Variants in B4GALNT3 observed in about 807,000 individuals in gnomAD.
B4GALNT3 encodes beta-1,4-N-acetylgalactosaminyltransferase 3.
In B4GALNT3, 86 loss-of-function variants were observed where a neutral mutation model predicts 120.2. The ratio of observed to expected loss-of-function variants is 0.72; its 90% CI spans 0.60 to 0.86. B4GALNT3 has a LOEUF of 0.86. Ranked by LOEUF, B4GALNT3 falls within the 40% of genes least tolerant of loss-of-function variation. B4GALNT3 has a pLI of 0.00. For synonymous variants in B4GALNT3, 518 were observed against 510.4 expected (o/e 1.01, Z -0.20); for missense variants, 1,167 against 1,298.9 (o/e 0.90, Z 1.56).
intron 3 of B4GALNT3, among the ~76,000 whole-genome samples, chr12:537,086 C>A (rs1181114365): frequency 6.6e-6 from 1 of 152,198 alleles, no homozygotes; most frequent in Admixed American, 6.5e-5. Context: ...ATGTCTCAAA[C>A]TGAATTGCTT....
chr12:554,915 C>T (rs530347863), intron 14 of B4GALNT3, among the ~76,000 whole-genome samples: 12 of 151,916 alleles, frequency 7.9e-5, no homozygotes, highest in African/African-American at 1.7e-4. Context: ...CAGTGGCTCA[C>T]GCCTCTAATC....
At chr12:479,154 C>T (rs1018046446) in intron 1 of B4GALNT3, among the ~76,000 whole-genome samples, 2 of 152,088 alleles carry the variant, frequency 1.3e-5, no homozygotes, top group African/African-American at 4.8e-5. Flanking sequence ...AGCCTAGAGT[C>T]TCTCTGCAGT....
intron 1 of B4GALNT3, among the ~76,000 whole-genome samples, chr12:496,428 C>T (rs11063274): frequency 0.012 from 1,832 of 152,068 alleles, 25 homozygotes; most frequent in African/African-American, 0.017. Context: ...GGTGAAACCC[C>T]GTATCTACTA....
At chr12:552,379 C>T (rs573664442) in intron 12 of B4GALNT3, 88 bp from the exon 13 acceptor site, 120 of 1,373,100 alleles carry the variant, frequency 8.7e-5, no homozygotes, top group East Asian at 1.6e-4. Flanking sequence ...TGGGGCAAAA[C>T]GTCAGACTCC....
chr12:506,913 G>A lies in B4GALNT3; in HGVS notation c.170-28253G>A, dbSNP rs375657368. Among the ~76,000 whole-genome samples the A allele has an allele frequency of 1.8e-3, 270 of 152,376 alleles. 1 individual carries two copies. Among genetic ancestry groups the A allele is most frequent in the African/African-American group, 6.4e-3 (265 of 41,594 alleles). On this transcript the variant is annotated intron_variant, in intron 1 of 19. Coordinates refer to ENST00000266383, the MANE Select transcript of B4GALNT3 (RefSeq NM_173593.4). ...GGCCTCCCGAAGTGCTGGGATTACA[G>A]GCGTGAGCCACCGTGCCCGGCCAAG...
At chr12:496,005 TG>T (rs1946384295) in intron 1 of B4GALNT3, among the ~76,000 whole-genome samples, 1 of 152,202 alleles carries the variant, frequency 6.6e-6, no homozygotes, top group African/African-American at 2.4e-5. Flanking sequence ...TCTCCTCCCT[TG>T]TATTCCAATA....
intron 1 of B4GALNT3, among the ~76,000 whole-genome samples, chr12:466,528 A>G (rs1480267022): frequency 6.6e-6 from 1 of 152,260 alleles, no homozygotes; most frequent in African/African-American, 2.4e-5. Context: ...TGTGATTCAC[A>G]TAATTAATAG....
At chr12:512,441 T>C (rs1387632894) in intron 1 of B4GALNT3, among the ~76,000 whole-genome samples, 9 of 90,654 alleles carry the variant, frequency 9.9e-5, no homozygotes, top group African/African-American at 1.9e-4. Flanking sequence ...GCCTTCCATC[T>C]TCCTTCCACC....
At chr12:503,783 C>T (rs1315485934) in intron 1 of B4GALNT3, among the ~76,000 whole-genome samples, 4 of 152,178 alleles carry the variant, frequency 2.6e-5, no homozygotes, top group Admixed American at 2.6e-4. Context: ...CACCTGGCAG[C>T]ATTTGACACT....
At chr12:560,208 C>T (rs1947212090) in intron 19 of B4GALNT3, among the ~76,000 whole-genome samples, 1 of 152,172 alleles carries the variant, frequency 6.6e-6, no homozygotes, top group Non-Finnish European at 1.5e-5. Context: ...TTCAGAAGGG[C>T]ATAAGCGCTG....
Position 548,001 on chromosome 12 carries a change from T to C in B4GALNT3, c.708-23T>C. ...AGGGCCCATGGAGATGGCGCTCTGC[T>C]TCCCTGCCCTCTCTCCCGCCAGCCT... On this transcript the variant is annotated intron_variant, in intron 7 of 19. Coordinates refer to ENST00000266383, the MANE Select transcript of B4GALNT3 (RefSeq NM_173593.4). The surrounding 1 kb of genome is among the most constrained non-coding windows in gnomAD (Gnocchi z 4.9). The C allele has an allele frequency of 1.2e-6, 2 of 1,610,132 alleles. No individual in the cohort carries two copies. The highest frequency in any genetic ancestry group is 2.2e-5 in the South Asian group (2 of 90,982).
rs1207520349 is a variant in B4GALNT3, at chr12:511,367, A to ACCTTCCG, written c.170-23785_170-23779dup. Among the ~76,000 whole-genome samples, 241 of 47,672 alleles carry ACCTTCCG rather than the reference A, an allele frequency of 5.1e-3. 5 individuals carry two copies. Among genetic ancestry groups the ACCTTCCG allele is most frequent in the African/African-American group, 0.016 (164 of 9,940 alleles). 31.3% of individuals were successfully genotyped at this position (47,672 alleles called of 152,430 possible). On this transcript the variant is annotated intron_variant, in intron 1 of 19. Transcript: ENST00000266383. Reference sequence around the variant, plus strand: ...TTCCACCTTCCACCTTCCACCTTCAACCTTCCGCCTTCCGCCTTCCACCTT... The same window carrying ACCTTCCG: ...TTCCACCTTCCACCTTCCACCTTCAACCTTCCGCCTTCCGCCTTCCGCCTTCCACCTT...
chr12:475,677 T>C (rs151019919), intron 1 of B4GALNT3, among the ~76,000 whole-genome samples: 1,903 of 152,290 alleles, frequency 0.012, 16 homozygotes, highest in Non-Finnish European at 0.019. Context: ...TCAATTATTT[T>C]AGAACCAGCT....
intron 14 of B4GALNT3, among the ~76,000 whole-genome samples, chr12:555,879 G>T (rs1947148027): frequency 6.6e-6 from 1 of 152,056 alleles, no homozygotes; most frequent in Non-Finnish European, 1.5e-5. Context: ...CGCCTCCCGG[G>T]TTCACGCCAT....
intron 17 of B4GALNT3, 38 bp from the exon 18 acceptor site, chr12:558,470 C>T (rs1235605910): frequency 6.2e-7 from 1 of 1,602,674 alleles, no homozygotes; most frequent in Non-Finnish European, 8.5e-7. Context: ...TAGCTCTGGT[C>T]TGCAGGGTCT....
At chr12:503,342 G>C (rs1421438121) in intron 1 of B4GALNT3, among the ~76,000 whole-genome samples, 1 of 152,096 alleles carries the variant, frequency 6.6e-6, no homozygotes, top group Non-Finnish European at 1.5e-5. Context: ...AGCCATGGCT[G>C]CCACTCACAC....
intron 1 of B4GALNT3, among the ~76,000 whole-genome samples, chr12:483,026 G>T (rs896379194): frequency 6.6e-6 from 1 of 152,086 alleles, no homozygotes; most frequent in African/African-American, 2.4e-5. Flanking sequence ...TTCCACTTCA[G>T]CCTCCTGAGT....
chr12:558,481 G>C, intron 17 of B4GALNT3, 27 bp from the exon 18 acceptor site: 2 of 1,610,294 alleles, frequency 1.2e-6, no homozygotes, highest in Non-Finnish European at 1.7e-6. Context: ...TGCAGGGTCT[G>C]CTGACCCTGC....
intron 1 of B4GALNT3, among the ~76,000 whole-genome samples, chr12:521,637 AT>A (rs1318459915): frequency 2.0e-5 from 3 of 152,174 alleles, no homozygotes; most frequent in Non-Finnish European, 2.9e-5. Flanking sequence ...CTGCCACACA[AT>A]CCCGGTATGC....
Sources: allele counts gnomAD v4.1 joint callset (sites outside exome capture counted in the v4.1 genomes callset), GRCh38; gene constraint gnomAD v4.1.1; non-coding constraint Gnocchi (gnomAD v3.1); transcripts MANE v1.5; gene names NCBI Gene and HGNC (gene_info 2026-07-23, HGNC 2026-07-21).